The following NDUFA9 variants were observed in gnomAD, a reference collection of about 807,000 sequenced individuals.
NDUFA9 encodes the protein NADH:ubiquinone oxidoreductase subunit A9.
In NDUFA9, 23 loss-of-function variants were observed where a neutral mutation model predicts 45.9. The ratio of observed to expected loss-of-function variants is 0.50; its 90% CI spans 0.36 to 0.71. The LOEUF is 0.71. NDUFA9 is among the 30% of genes least tolerant of loss of function. NDUFA9 has a pLI of 0.00. For missense variants in NDUFA9, 466 were observed against 488.2 expected (o/e 0.95, Z 0.43); for synonymous variants, 176 against 170.5 (o/e 1.03, Z -0.25).
chr12:4,658,437 G>A (rs1285326376), intron 4 of NDUFA9, among the ~76,000 whole-genome samples: 7 of 152,062 alleles, frequency 4.6e-5, no homozygotes, highest in Non-Finnish European at 1.0e-4. Context: ...CCCCCCTAAT[G>A]ATTAACATAG....
chr12:4,659,966 A>G (rs564640740), intron 5 of NDUFA9, among the ~76,000 whole-genome samples: 1 of 152,342 alleles, frequency 6.6e-6, no homozygotes, highest in South Asian at 2.1e-4. Context: ...AGAGAAAATA[A>G]GAGAGAGAAT....
At chr12:4,678,283 T>TA (rs543199032) in intron 8 of NDUFA9, among the ~76,000 whole-genome samples, 4 of 149,268 alleles carry the variant, frequency 2.7e-5, no homozygotes, top group East Asian at 2.0e-4. Flanking sequence ...AAAGTATAAT[T>TA]AAAAAAAAAA....
intron 2 of NDUFA9, 146 bp downstream of exon 2, chr12:4,654,608 TGAA>T: frequency 1.0e-6 from 1 of 980,498 alleles, no homozygotes; most frequent in Non-Finnish European, 1.5e-6. Flanking sequence ...TGTTGTGACA[TGAA>T]GAGCACACTC....
intron 2 of NDUFA9, 54 bp downstream of exon 2, chr12:4,654,516 T>C: frequency 6.4e-7 from 1 of 1,570,106 alleles, no homozygotes; most frequent in South Asian, 1.1e-5. Flanking sequence ...CAGGATTGCC[T>C]GATGAGAAGC....
At position 4,649,156 on chromosome 12, in the gene NDUFA9, C is replaced by T; in HGVS notation, c.30C>T (p.Val10=). Residue 10 remains valine, a synonymous_variant, in exon 1 of 11, where the codon GTC becomes GTT. Coordinates refer to ENST00000266544, the MANE Select transcript of NDUFA9 (RefSeq NM_005002.5). MAAAAQSRV[V]RVLSMSRSAI... is the part of the protein sequence containing the mutation. ...CGGCTGCCGCACAATCCCGGGTTGT[C>T]CGGGTCCTGTCAATGTCACGTAAGT... 1.2e-6 allele frequency: 2 copies of T among 1,605,370 alleles called. No individual in the cohort carries two copies. The highest frequency in any genetic ancestry group is 1.7e-6 in the Non-Finnish European group (2 of 1,176,208).
intron 3 of NDUFA9, among the ~76,000 whole-genome samples, chr12:4,656,905 C>G (rs1273664474): frequency 6.6e-6 from 1 of 152,186 alleles, no homozygotes; most frequent in African/African-American, 2.4e-5. Context: ...TCAGTCCTAA[C>G]TGGTTCTTCC....
chr12:4,674,595 G>C (rs961526773), intron 8 of NDUFA9, among the ~76,000 whole-genome samples: 1 of 152,124 alleles, frequency 6.6e-6, no homozygotes, highest in Admixed American at 6.5e-5. Flanking sequence ...AATGGTAAAG[G>C]GATCAATGCA....
rs1273903699 is a variant in NDUFA9, at chr12:4,692,407, T to C, written c.*5299T>C. 3 of 152,292 alleles carry C rather than the reference T, an allele frequency of 2.0e-5. No individual in the cohort carries two copies. Among genetic ancestry groups the C allele is most frequent in the Admixed American group, 6.5e-5 (1 of 15,282 alleles). The allele number at this position is 152,292 out of a possible 1,614,324, so 9.4% of individuals were successfully genotyped here. A position where few individuals can be genotyped will look rare whatever the true frequency, so the allele number is the denominator to read the frequency against. On this transcript the variant is annotated 3_prime_UTR_variant, in exon 11 of 11. Transcript: ENST00000266544. ...CTCCCTTTTCACCTACTGCCATGAC[T>C]GGAAGCTTCCTGAAGCCTCCCCAGA... is the stretch of plus-strand genomic sequence containing the variant.
chr12:4,690,456 G>A lies in NDUFA9; in HGVS notation c.*3348G>A, dbSNP rs1390911826. The A allele has an allele frequency of 6.6e-6, 1 of 152,220 alleles. No individual in the cohort carries two copies. Among genetic ancestry groups the A allele is most frequent in the African/African-American group, 2.4e-5 (1 of 41,408 alleles). 9.4% of individuals were successfully genotyped at this position (152,220 alleles called of 1,614,324 possible). ...GCGGTGGCTCTTGCCTGTAATCCCA[G>A]CACTTTGGGAGGCTGATGGGGGTGG... On this transcript the variant is annotated 3_prime_UTR_variant, in exon 11 of 11. Coordinates refer to ENST00000266544, the MANE Select transcript of NDUFA9 (RefSeq NM_005002.5).
chr12:4,657,880 C>T, intron 4 of NDUFA9, 41 bp downstream of exon 4: 1 of 1,504,664 alleles, frequency 6.6e-7, no homozygotes, highest in Non-Finnish European at 9.3e-7. Flanking sequence ...TTAAGTCTTT[C>T]TTAGGGTTTA....
chr12:4,665,039 G>C (rs1945845220), intron 6 of NDUFA9, among the ~76,000 whole-genome samples: 1 of 152,154 alleles, frequency 6.6e-6, no homozygotes, highest in South Asian at 2.1e-4. Context: ...CCCACACCTT[G>C]AGTCTTACCT....
chr12:4,676,768 T>C (rs1945922346), intron 8 of NDUFA9, among the ~76,000 whole-genome samples: 2 of 152,288 alleles, frequency 1.3e-5, no homozygotes, highest in African/African-American at 2.4e-5. Context: ...CAAACTTCCA[T>C]TGACTTTCTT....
chr12:4,682,628 T>A (rs1289161036), intron 9 of NDUFA9, among the ~76,000 whole-genome samples: 1 of 152,216 alleles, frequency 6.6e-6, no homozygotes, highest in African/African-American at 2.4e-5. Flanking sequence ...GGCAGTCAGG[T>A]TCCCCTGTGT....
In NDUFA9 at chr12:4,657,744, A is replaced by G; in HGVS notation, c.319-4A>G. ...TTTCATCCGATTGCTTTCTGCTATT[A>G]TAGGAATGGGACGCGAGAGATAAAG... is the stretch of plus-strand genomic sequence containing the variant. On this transcript the variant is annotated splice_polypyrimidine_tract_variant and splice_region_variant and intron_variant, in intron 3 of 10. Coordinates refer to ENST00000266544, the MANE Select transcript of NDUFA9 (RefSeq NM_005002.5). 1.9e-6 allele frequency: 3 copies of G among 1,608,352 alleles called. No individual in the cohort carries two copies. The highest frequency in any genetic ancestry group is 2.2e-5 in the East Asian group (1 of 44,840).
chr12:4,674,889 A>C (rs1157779595), intron 8 of NDUFA9, among the ~76,000 whole-genome samples: 2 of 152,238 alleles, frequency 1.3e-5, no homozygotes, highest in Non-Finnish European at 2.9e-5. Context: ...ACCACATTGC[A>C]CTTCTTCTAA....
chr12:4,690,937 G>A lies in NDUFA9; in HGVS notation c.*3829G>A, dbSNP rs1946015682. 2 of 152,276 alleles carry A rather than the reference G, an allele frequency of 1.3e-5. No homozygotes were observed. The allele number at this position is 152,276 out of a possible 1,614,324, so 9.4% of individuals were successfully genotyped here. ...CATGCTGTGGAAGAGAACAGCATGA[G>A]CAATTGCAGTGGGGCATGAATGAGT... On this transcript the variant is annotated 3_prime_UTR_variant, in exon 11 of 11. Transcript: ENST00000266544.
chr12:4,683,060 A>G (rs987076142), intron 9 of NDUFA9, among the ~76,000 whole-genome samples: 5 of 151,922 alleles, frequency 3.3e-5, no homozygotes, highest in Admixed American at 1.3e-4. Context: ...GGTGACTGCT[A>G]CTGCGCACAG....
At chr12:4,654,180 G>A (rs1945775625) in intron 1 of NDUFA9, 112 bp from the exon 2 acceptor site, 2 of 1,025,772 alleles carry the variant, frequency 1.9e-6, no homozygotes, top group Admixed American at 5.3e-5. Context: ...AATTGCTAAA[G>A]TACTGATTGC....
chr12:4,671,763 G>A (rs767188074), intron 8 of NDUFA9, among the ~76,000 whole-genome samples: 1 of 152,068 alleles, frequency 6.6e-6, no homozygotes, highest in Non-Finnish European at 1.5e-5. Context: ...AAATCTTTAT[G>A]GACAATTGAT....
Sources: allele counts gnomAD v4.1 joint callset (sites outside exome capture counted in the v4.1 genomes callset), GRCh38; gene constraint gnomAD v4.1.1; transcripts MANE v1.5; gene names NCBI Gene and HGNC (gene_info 2026-07-23, HGNC 2026-07-21).